The following UMAD1 variants were observed in gnomAD, a reference collection of about 807,000 sequenced individuals.
UMAD1 encodes the protein UBAP1-MVB12-associated (UMA)-domain containing protein 1.
A neutral mutation model predicts 6.1 loss-of-function variants in UMAD1; 8 were observed. That is an observed-to-expected ratio of 1.30 (90% confidence interval 0.76 to 2.35). The LOEUF (loss-of-function observed/expected upper bound fraction) is 2.35, where lower values mean the gene tolerates loss of function less well. Among genes scored for constraint, UMAD1 ranks in the 30% most tolerant of loss-of-function variants. The pLI is 0.00. For missense variants in UMAD1, 130 were observed against 78.4 expected, an observed-to-expected ratio of 1.66 and a Z score of -2.49; for synonymous variants, 56 against 31.4, an observed-to-expected ratio of 1.78 and a Z score of -2.61.
chr7:7,695,577 G>A (rs1314133116), intron 2 of UMAD1, among the ~76,000 whole-genome samples: 1 of 151,966 alleles, frequency 6.6e-6, no homozygotes, highest in African/African-American at 2.4e-5. Context: ...CATGTTCTTT[G>A]GCACTAGCAG....
intron 3 of UMAD1, among the ~76,000 whole-genome samples, chr7:7,861,828 C>T (rs1325009002): frequency 6.6e-6 from 1 of 152,106 alleles, no homozygotes; most frequent in East Asian, 1.9e-4. Context: ...TGAACATGAG[C>T]AATTCTAAGT....
At chr7:7,789,583 C>A (rs759767100) in intron 2 of UMAD1, among the ~76,000 whole-genome samples, 6 of 151,388 alleles carry the variant, frequency 4.0e-5, no homozygotes, top group Non-Finnish European at 5.9e-5. Flanking sequence ...AGAACTAAAA[C>A]TGAAACTCTG....
chr7:7,697,955 T>C lies in UMAD1; in HGVS notation c.82+24502T>C, dbSNP rs187821068. On this transcript the variant is annotated intron_variant, in intron 2 of 3. Transcript: ENST00000682710. ...CATGAGGGCTGTGAAATAAAAACTT[T>C]GGGGAGTTGCCTGGATTGGATTCCT... is the stretch of plus-strand genomic sequence containing the variant. 1.4e-3 allele frequency among the ~76,000 whole-genome samples: 210 copies of C among 152,296 alleles called. 1 individual carries two copies. The highest frequency in any genetic ancestry group is 4.6e-3 in the African/African-American group (192 of 41,570).
intron 3 of UMAD1, among the ~76,000 whole-genome samples, chr7:7,864,525 A>C (rs1784188846): frequency 6.6e-6 from 1 of 151,506 alleles, no homozygotes; most frequent in African/African-American, 2.4e-5. Flanking sequence ...TTCTTCTAAC[A>C]TGCACAGCTT....
At position 7,878,001 on chromosome 7, in the gene UMAD1, A is replaced by T. The variant is rs1784457276; in HGVS notation, c.*463A>T. On this transcript the variant is annotated 3_prime_UTR_variant, in exon 4 of 4. Coordinates refer to ENST00000682710, the MANE Select transcript of UMAD1 (RefSeq NM_001302348.2). The stretch of plus-strand genomic sequence containing the variant: ...GTGTTTATGAATGAATTCAGAAAAA[A>T]AGTTGCCAGTTAGCTTAATTTCTTC... 6.3e-6 allele frequency: 1 copy of T among 158,156 alleles called. No individual in the cohort carries two copies. The highest frequency in any genetic ancestry group is 1.9e-4 in the South Asian group (1 of 5,384). 9.8% of individuals were successfully genotyped at this position (158,156 alleles called of 1,614,324 possible). A position where few individuals can be genotyped will look rare whatever the true frequency, so the allele number is the denominator to read the frequency against.
intron 2 of UMAD1, among the ~76,000 whole-genome samples, chr7:7,713,483 A>G (rs1038162020): frequency 2.0e-5 from 3 of 151,608 alleles, no homozygotes; most frequent in Non-Finnish European, 4.4e-5. Context: ...CCCCATGGCA[A>G]TATTGTTTAT....
intron 2 of UMAD1, among the ~76,000 whole-genome samples, chr7:7,701,252 C>T (rs972246501): frequency 6.6e-6 from 1 of 152,064 alleles, no homozygotes; most frequent in South Asian, 2.1e-4. Context: ...GGGCTTAGAG[C>T]CCTAAAACCT....
chr7:7,650,545 G>C (rs1785201383), intron 1 of UMAD1, among the ~76,000 whole-genome samples: 1 of 152,164 alleles, frequency 6.6e-6, no homozygotes, highest in South Asian at 2.1e-4. Flanking sequence ...GGTAGTGATG[G>C]CTGCAGGACA....
At chr7:7,712,913 C>T (rs1454434526) in intron 2 of UMAD1, among the ~76,000 whole-genome samples, 1 of 152,034 alleles carries the variant, frequency 6.6e-6, no homozygotes, top group Non-Finnish European at 1.5e-5. Context: ...TAGAATTCAC[C>T]TGTAAAAATT....
intron 2 of UMAD1, among the ~76,000 whole-genome samples, chr7:7,727,475 C>G (rs1781163531): frequency 6.6e-6 from 1 of 152,090 alleles, no homozygotes; most frequent in Non-Finnish European, 1.5e-5. Flanking sequence ...TGTATGAGTT[C>G]AAGTTGACAA....
At chr7:7,740,278 A>G (rs989636422) in intron 2 of UMAD1, among the ~76,000 whole-genome samples, 1 of 152,232 alleles carries the variant, frequency 6.6e-6, no homozygotes, top group African/African-American at 2.4e-5. Context: ...AATGTTTACA[A>G]GCACCTCCAA....
Position 7,874,298 on chromosome 7 carries a change from T to C in UMAD1, c.157-2983T>C, listed in dbSNP as rs936757434. ...AAGTAATCTGTCATTCCCAGCTATC[T>C]TCCCACTTCTTTCCCCGGCCACCCC... is the stretch of plus-strand genomic sequence containing the variant. On this transcript the variant is annotated intron_variant, in intron 3 of 3. Transcript: ENST00000682710. 3.9e-5 allele frequency among the ~76,000 whole-genome samples: 6 copies of C among 152,344 alleles called. No individual in the cohort carries two copies. The East Asian group carries it at 1.2e-3, about 29-fold the overall frequency.
At chr7:7,790,243 G>A (rs1782543338) in intron 2 of UMAD1, among the ~76,000 whole-genome samples, 1 of 151,948 alleles carries the variant, frequency 6.6e-6, no homozygotes, top group Non-Finnish European at 1.5e-5. Flanking sequence ...GCACCCCAGG[G>A]GATTCTTGTG....
At chr7:7,781,695 G>A (rs6953820) in intron 2 of UMAD1, among the ~76,000 whole-genome samples, 51,880 of 151,800 alleles carry the variant, frequency 0.34, 9,090 homozygotes, top group Middle Eastern at 0.42. Context: ...ATTTCGTTAT[G>A]TGAAAGCTAT....
At chr7:7,692,850 GC>G (rs1228801379) in intron 2 of UMAD1, among the ~76,000 whole-genome samples, 1 of 152,128 alleles carries the variant, frequency 6.6e-6, no homozygotes, top group East Asian at 1.9e-4. Context: ...CTCGTGATCT[GC>G]CTGCCTCGGC....
At chr7:7,703,581 C>G (rs1037794742) in intron 2 of UMAD1, among the ~76,000 whole-genome samples, 5 of 152,162 alleles carry the variant, frequency 3.3e-5, no homozygotes, top group South Asian at 4.1e-4. Context: ...AATACAGGCA[C>G]TTACAACACA....
chr7:7,784,907 C>T (rs1006535752), intron 2 of UMAD1, among the ~76,000 whole-genome samples: 3 of 151,728 alleles, frequency 2.0e-5, no homozygotes, highest in East Asian at 3.9e-4. Context: ...GGACTACAGG[C>T]GCCCGCCACC....
chr7:7,641,588 G>C (rs1263592679), intron 1 of UMAD1: 1 of 152,240 alleles, frequency 6.6e-6, no homozygotes, highest in African/African-American at 2.4e-5. Context: ...GAAGATAACC[G>C]ATTCCTGGGA....
At chr7:7,737,142 T>G (rs961368215) in intron 2 of UMAD1, among the ~76,000 whole-genome samples, 3 of 152,220 alleles carry the variant, frequency 2.0e-5, no homozygotes, top group Non-Finnish European at 4.4e-5. Flanking sequence ...TATATATAAT[T>G]TCTGTATATT....
Sources: gnomAD v4.1 joint callset for allele counts (sites outside exome capture counted in the v4.1 genomes callset) on GRCh38, gnomAD v4.1.1 for gene constraint, MANE v1.5 for transcripts, NCBI Gene and HGNC (gene_info 2026-07-23, HGNC 2026-07-21) for gene names.